The following GTF2E2 variants were observed in gnomAD, a reference collection of about 807,000 sequenced individuals.
GTF2E2 encodes the protein transcription initiation factor IIE subunit beta.
GTF2E2 carries 21 observed loss-of-function variants against 40.5 expected under a neutral mutation model. That is an observed-to-expected ratio of 0.52 (90% CI 0.37 to 0.75). The LOEUF (loss-of-function observed/expected upper bound fraction) is 0.75, where lower values mean the gene tolerates loss of function less well. GTF2E2 is among the 30% of genes least tolerant of loss of function. The probability of loss-of-function intolerance (pLI) is 0.00; values close to 1 mark genes in which losing one functional copy is unlikely to be tolerated. For missense variants in GTF2E2, 298 were observed against 338.4 expected, an observed-to-expected ratio of 0.88 and a Z score of 0.94; for synonymous variants, 117 against 121.6, an observed-to-expected ratio of 0.96 and a Z score of 0.25.
chr8:30,600,499 T>C (rs1585950575), intron 6 of GTF2E2, among the ~76,000 whole-genome samples: 1 of 152,324 alleles, frequency 6.6e-6, no homozygotes, highest in Non-Finnish European at 1.5e-5. Context: ...ATTTTACAGA[T>C]GAGGAATCTC....
At chr8:30,583,962 C>T (rs1194375946) in intron 6 of GTF2E2, among the ~76,000 whole-genome samples, 1 of 152,056 alleles carries the variant, frequency 6.6e-6, no homozygotes, top group East Asian at 1.9e-4. Flanking sequence ...CCAGCCACCA[C>T]GCCCAGTTAA....
intron 3 of GTF2E2, 149 bp downstream of exon 3, chr8:30,634,883 A>G: frequency 1.7e-6 from 1 of 588,090 alleles, no homozygotes; most frequent in East Asian, 2.8e-5. Context: ...GGCTTGAGGT[A>G]TAATTGGCAT....
intron 3 of GTF2E2, among the ~76,000 whole-genome samples, chr8:30,633,431 T>A (rs1801497854): frequency 1.3e-5 from 2 of 152,224 alleles, no homozygotes; most frequent in Non-Finnish European, 2.9e-5. Flanking sequence ...TACTACAATA[T>A]GCCAGAAATT....
intron 2 of GTF2E2, among the ~76,000 whole-genome samples, chr8:30,650,070 A>G (rs1037080608): frequency 4.0e-5 from 6 of 151,756 alleles, no homozygotes; most frequent in Non-Finnish European, 8.8e-5. Flanking sequence ...ATAGGTGAAA[A>G]GGGAGCACTT....
intron 3 of GTF2E2, among the ~76,000 whole-genome samples, chr8:30,626,787 A>C (rs1301099933): frequency 6.6e-6 from 1 of 152,218 alleles, no homozygotes; most frequent in African/African-American, 2.4e-5. Context: ...TTATCAATGA[A>C]CTTCACTAGG....
At chr8:30,594,259 CTTT>C (rs541723621) in intron 6 of GTF2E2, among the ~76,000 whole-genome samples, 1 of 146,342 alleles carries the variant, frequency 6.8e-6, no homozygotes, top group Admixed American at 6.8e-5. Context: ...AAGTGAGTTT[CTTT>C]TTTTTTCTTT....
chr8:30,652,930 A>T (rs1171858183), intron 2 of GTF2E2, among the ~76,000 whole-genome samples: 2 of 152,228 alleles, frequency 1.3e-5, no homozygotes, highest in East Asian at 1.9e-4. Context: ...GAACTCAAAA[A>T]TATGCCAAGT....
At chr8:30,654,328 G>GTAATTT (rs1802388158) in intron 1 of GTF2E2, among the ~76,000 whole-genome samples, 1 of 152,060 alleles carries the variant, frequency 6.6e-6, no homozygotes, top group Non-Finnish European at 1.5e-5. Flanking sequence ...ACATGTTGAA[G>GTAATTT]TGATACTATT....
intron 2 of GTF2E2, among the ~76,000 whole-genome samples, chr8:30,644,011 T>TC (rs1801963440): frequency 6.6e-6 from 1 of 152,224 alleles, no homozygotes; most frequent in South Asian, 2.1e-4. Context: ...ACCGATAAAT[T>TC]AATGAAGTAG....
At chr8:30,595,875 AAAG>A (rs1050234939) in intron 6 of GTF2E2, among the ~76,000 whole-genome samples, 1 of 152,154 alleles carries the variant, frequency 6.6e-6, no homozygotes, top group African/African-American at 2.4e-5. Flanking sequence ...GGAAAAGAAA[AAAG>A]AAAAGAAGAG....
chr8:30,639,898 G>T (rs62505311), intron 2 of GTF2E2, among the ~76,000 whole-genome samples: 131 of 151,782 alleles, frequency 8.6e-4, no homozygotes, highest in Non-Finnish European at 1.7e-3. Context: ...GCACAGTGGG[G>T]TTAATTATCT....
chr8:30,646,928 C>T (rs942009535), intron 2 of GTF2E2, among the ~76,000 whole-genome samples: 2 of 116,462 alleles, frequency 1.7e-5, no homozygotes, highest in Non-Finnish European at 3.2e-5. Flanking sequence ...TGCAGTGAGC[C>T]GAGATGATGC....
intron 6 of GTF2E2, among the ~76,000 whole-genome samples, chr8:30,594,310 T>C (rs898939744): frequency 6.6e-6 from 1 of 151,860 alleles, no homozygotes; most frequent in African/African-American, 2.4e-5. Context: ...CAGGCTGGAA[T>C]GCAATGGCGC....
At chr8:30,655,454 C>G (rs13268581) in intron 1 of GTF2E2, among the ~76,000 whole-genome samples, 57,782 of 152,072 alleles carry the variant, frequency 0.38, 11,552 homozygotes, top group South Asian at 0.55. Flanking sequence ...AGACTAGTGT[C>G]AGCTGGGAGG....
At chr8:30,618,419 G>A (rs1278822816) in intron 3 of GTF2E2, among the ~76,000 whole-genome samples, 3 of 152,082 alleles carry the variant, frequency 2.0e-5, no homozygotes, top group South Asian at 2.1e-4. Context: ...ATTTCCAATC[G>A]TGACATGCAT....
At chr8:30,656,422 C>CA (rs1802450619) in intron 1 of GTF2E2, among the ~76,000 whole-genome samples, 1 of 152,030 alleles carries the variant, frequency 6.6e-6, no homozygotes, top group South Asian at 2.1e-4. Context: ...AAGGTGGGAG[C>CA]AAAAAGTAAA....
chr8:30,654,088 C>A (rs1291520149), intron 1 of GTF2E2, among the ~76,000 whole-genome samples: 14 of 115,322 alleles, frequency 1.2e-4, no homozygotes, highest in Middle Eastern at 4.3e-3. Flanking sequence ...GACCCTTGTT[C>A]AAAAAAAAAA....
intron 3 of GTF2E2, among the ~76,000 whole-genome samples, chr8:30,626,787 A>G (rs1301099933): frequency 6.6e-6 from 1 of 152,218 alleles, no homozygotes; most frequent in South Asian, 2.1e-4. Flanking sequence ...TTATCAATGA[A>G]CTTCACTAGG....
intron 6 of GTF2E2, among the ~76,000 whole-genome samples, chr8:30,582,757 G>A (rs932722830): frequency 2.0e-5 from 3 of 152,176 alleles, no homozygotes; most frequent in Non-Finnish European, 4.4e-5. Context: ...TGCCCTTCTT[G>A]GGGCACAGTA....
Sources: allele counts gnomAD v4.1 joint callset (sites outside exome capture counted in the v4.1 genomes callset), GRCh38; gene constraint gnomAD v4.1.1; transcripts MANE v1.5; gene names NCBI Gene and HGNC (gene_info 2026-07-23, HGNC 2026-07-21).